The following RUBCNL variants were observed in gnomAD, a reference collection of about 807,000 sequenced individuals.
The protein encoded by RUBCNL is protein associated with UVRAG as autophagy enhancer.
A neutral mutation model predicts 69.5 loss-of-function variants in RUBCNL; 62 were observed. That is an observed-to-expected ratio of 0.89 (90% CI 0.73 to 1.10). RUBCNL has a LOEUF of 1.10. RUBCNL is among the 50% of genes least tolerant of loss of function. The pLI is 0.00. For missense variants in RUBCNL, 768 were observed against 798.1 expected, an observed-to-expected ratio of 0.96 and a Z score of 0.45; for synonymous variants, 291 against 303.6, an observed-to-expected ratio of 0.96 and a Z score of 0.43.
At chr13:46,354,893 C>T (rs533787063) in intron 10 of RUBCNL, 14 of 456,146 alleles carry the variant, frequency 3.1e-5, no homozygotes, top group African/African-American at 2.8e-4. Flanking sequence ...GTTGGTGGAG[C>T]GATAGTCATA....
chr13:46,386,895 C>CT (rs2049260987), intron 1 of RUBCNL, among the ~76,000 whole-genome samples: 1 of 152,174 alleles, frequency 6.6e-6, no homozygotes, highest in Admixed American at 6.5e-5. Flanking sequence ...CAACCTCACT[C>CT]TACAAAGTCA....
intron 8 of RUBCNL, 25 bp downstream of exon 8, chr13:46,361,416 A>C: frequency 6.2e-7 from 1 of 1,611,388 alleles, no homozygotes; most frequent in Non-Finnish European, 8.5e-7. Context: ...CTTTCAATTC[A>C]AGGTCAATTT....
At chr13:46,379,203 A>G (rs914730402) in intron 1 of RUBCNL, among the ~76,000 whole-genome samples, 1 of 152,050 alleles carries the variant, frequency 6.6e-6, no homozygotes, top group Non-Finnish European at 1.5e-5. Context: ...CAGTCTCCCA[A>G]GTAGCTGGGA....
chr13:46,361,699 C>T (rs918925720), intron 7 of RUBCNL, 126 bp from the exon 8 acceptor site: 12 of 863,362 alleles, frequency 1.4e-5, no homozygotes, highest in East Asian at 8.1e-5. Flanking sequence ...TATGAGATGA[C>T]GCATGAATCA....
At chr13:46,345,995 T>C (rs187045272) in intron 12 of RUBCNL, among the ~76,000 whole-genome samples, 1 of 152,330 alleles carries the variant, frequency 6.6e-6, no homozygotes, top group East Asian at 1.9e-4. Flanking sequence ...ATTTCAAGTC[T>C]ATCAGCCTTA....
chr13:46,343,461 G>A lies in RUBCNL; in HGVS notation c.1913C>T (p.Ser638Phe), dbSNP rs772572505. 7 of 1,613,960 alleles carry A rather than the reference G, an allele frequency of 4.3e-6. No homozygotes were observed. Among genetic ancestry groups the A allele is most frequent in the African/African-American group, 1.3e-5 (1 of 75,040 alleles). The change falls in exon 15 of 15, where the codon TCC (serine) becomes TTC (phenylalanine). Residue 638 changes from serine to phenylalanine, a missense_variant. Coordinates refer to ENST00000429979, the MANE Select transcript of RUBCNL (RefSeq NM_025113.5). Reference sequence around the variant, plus strand: ...CCTCGCACACCGGGGGCACTCGGAGGACTGGAAGCACTGTTTGTGAAAGCA... The same window carrying A: ...CCTCGCACACCGGGGGCACTCGGAGAACTGGAAGCACTGTTTGTGAAAGCA... ...RACFHKQCFQSSECPRCARIT... is the reference protein window; with the variant it reads ...RACFHKQCFQFSECPRCARIT...
At chr13:46,345,991 AG>A (rs1342015566) in intron 12 of RUBCNL, among the ~76,000 whole-genome samples, 1 of 152,194 alleles carries the variant, frequency 6.6e-6, no homozygotes, top group African/African-American at 2.4e-5. Context: ...CTACATTTCA[AG>A]TCTATCAGCC....
At chr13:46,377,251 C>T (rs2049014038) in intron 2 of RUBCNL, among the ~76,000 whole-genome samples, 1 of 152,068 alleles carries the variant, frequency 6.6e-6, no homozygotes, top group African/African-American at 2.4e-5. Context: ...GTAGTGATTC[C>T]AGGTGGTTTT....
intron 3 of RUBCNL, among the ~76,000 whole-genome samples, chr13:46,370,113 G>C (rs1032608238): frequency 1.3e-5 from 2 of 152,234 alleles, no homozygotes; most frequent in Non-Finnish European, 2.9e-5. Context: ...TCTGAGTATA[G>C]AGGAAAGAGC....
At chr13:46,363,823 T>C (rs971263174) in intron 5 of RUBCNL, among the ~76,000 whole-genome samples, 1 of 150,510 alleles carries the variant, frequency 6.6e-6, no homozygotes, top group Non-Finnish European at 1.5e-5. Context: ...ATCATGCCAC[T>C]GCACTCCAGC....
chr13:46,359,470 A>C lies in RUBCNL; in HGVS notation c.1265+16T>G. Reference sequence around the variant, plus strand: ...ATTTAAATGGATTGGAGGCCCAAGCAACAGCCCATACTTACTTGAGTGGTG... The same window carrying C: ...ATTTAAATGGATTGGAGGCCCAAGCCACAGCCCATACTTACTTGAGTGGTG... On this transcript the variant is annotated intron_variant, in intron 9 of 14. Coordinates refer to ENST00000429979, the MANE Select transcript of RUBCNL (RefSeq NM_025113.5). 1 of 1,601,700 alleles carries C rather than the reference A, an allele frequency of 6.2e-7. No individual in the cohort carries two copies. Among genetic ancestry groups the C allele is most frequent in the Non-Finnish European group, 8.5e-7 (1 of 1,174,138 alleles).
At chr13:46,369,119 A>T (rs61948082) in intron 3 of RUBCNL, among the ~76,000 whole-genome samples, 14,032 of 152,222 alleles carry the variant, frequency 0.092, 875 homozygotes, top group Non-Finnish European at 0.14. Context: ...AAATCCCAAC[A>T]GGGGCTGGGG....
chr13:46,349,250 G>A, intron 12 of RUBCNL, 36 bp downstream of exon 12: 2 of 1,593,492 alleles, frequency 1.3e-6, no homozygotes. Context: ...GCAGATGTAT[G>A]GAGGGAAGGC....
chr13:46,368,860 A>G (rs764330699), intron 3 of RUBCNL, 45 bp from the exon 4 acceptor site: 31 of 1,349,588 alleles, frequency 2.3e-5, no homozygotes, highest in Non-Finnish European at 3.0e-5. Flanking sequence ...AGGGAGTTTA[A>G]AGATTACCTA....
At chr13:46,347,815 C>T (rs940472590) in intron 12 of RUBCNL, among the ~76,000 whole-genome samples, 1 of 152,134 alleles carries the variant, frequency 6.6e-6, no homozygotes, top group East Asian at 1.9e-4. Context: ...CATGATGAAA[C>T]CCTGTCTCTA....
At chr13:46,378,570 A>C (rs1325068892) in intron 1 of RUBCNL, 1 of 152,368 alleles carries the variant, frequency 6.6e-6, no homozygotes, top group African/African-American at 2.4e-5. Context: ...CCTCCAGCCA[A>C]GTCATTGTGA....
intron 2 of RUBCNL, among the ~76,000 whole-genome samples, chr13:46,375,570 T>C (rs1349766815): frequency 6.6e-6 from 1 of 152,164 alleles, no homozygotes. Context: ...AAGACCTCTG[T>C]GGCAGATATA....
At chr13:46,357,020 T>G (rs1355294049) in intron 9 of RUBCNL, among the ~76,000 whole-genome samples, 1 of 145,716 alleles carries the variant, frequency 6.9e-6, no homozygotes, top group East Asian at 2.3e-4. Flanking sequence ...TGAGCCGCCG[T>G]GCCCAGCCTT....
In RUBCNL at chr13:46,359,488, G is replaced by A. The variant is rs756899678; in HGVS notation, c.1263C>T (p.Leu421=). 1.9e-6 allele frequency: 3 copies of A among 1,603,616 alleles called. No homozygotes were observed. The highest frequency in any genetic ancestry group is 2.7e-5 in the African/African-American group (2 of 74,756). Residue 421 remains leucine (L), a splice_region_variant and synonymous_variant, in exon 9 of 15, where the codon CTC becomes CTT. Transcript: ENST00000429979. ...CCCAAGCAACAGCCCATACTTACTT[G>A]AGTGGTGGATGAATATTAAATATGA... ...FQIIFNIHPP[L]KRDLVVAAQN...
Sources: gnomAD v4.1 joint callset for allele counts (sites outside exome capture counted in the v4.1 genomes callset) on GRCh38, gnomAD v4.1.1 for gene constraint, MANE v1.5 for transcripts, NCBI Gene and HGNC (gene_info 2026-07-23, HGNC 2026-07-21) for gene names.